LYSMD2: variants seen among roughly 807,000 people sequenced by gnomAD.
LYSMD2 encodes lysM and putative peptidoglycan-binding domain-containing protein 2.
Under a neutral mutation model 17.7 loss-of-function variants are expected in LYSMD2, and 6 were observed. The ratio of observed to expected loss-of-function variants is 0.34; its 90% CI spans 0.19 to 0.67. LYSMD2 has a LOEUF of 0.67. Ranked by LOEUF, LYSMD2 falls within the 30% of genes least tolerant of loss-of-function variation. The probability of loss-of-function intolerance (pLI) is 0.69; values close to 1 mark genes in which losing one functional copy is unlikely to be tolerated. For synonymous variants in LYSMD2, 102 were observed against 129.8 expected (o/e 0.79, Z 1.45); for missense variants, 237 against 286.7 (o/e 0.83, Z 1.25).
At chr15:51,732,266 T>C (rs1330497038) in intron 1 of LYSMD2, among the ~76,000 whole-genome samples, 1 of 152,170 alleles carries the variant, frequency 6.6e-6, no homozygotes, top group Non-Finnish European at 1.5e-5. Flanking sequence ...GCTAGCTACT[T>C]CATACCAGTC....
At chr15:51,741,980 A>G (rs1466379424), upstream of LYSMD2, among the ~76,000 whole-genome samples, 1 of 150,070 alleles carries the variant, frequency 6.7e-6, no homozygotes, top group Non-Finnish European at 1.5e-5. Context: ...TATATTCACA[A>G]TGTTATGCAA....
At chr15:51,747,116 C>A (rs1595855788) in intron 1 of LYSMD2, among the ~76,000 whole-genome samples, 1 of 151,236 alleles carries the variant, frequency 6.6e-6, no homozygotes, top group Non-Finnish European at 1.5e-5. Context: ...ATGAGAATTG[C>A]TTGAACCCGG....
At chr15:51,726,761 TTTG>T (rs1181338218) in intron 1 of LYSMD2, among the ~76,000 whole-genome samples, 1 of 152,214 alleles carries the variant, frequency 6.6e-6, no homozygotes, top group Non-Finnish European at 1.5e-5. Flanking sequence ...GAGTTTGTTT[TTTG>T]TTTAGGCCAA....
At chr15:51,751,150 C>G (rs2055698441) in intron 1 of LYSMD2, 1 of 657,048 alleles carries the variant, frequency 1.5e-6, no homozygotes, top group Admixed American at 2.1e-5. Flanking sequence ...CGCCATCACC[C>G]TAGAGCCTTG....
At chr15:51,747,170 A>C (rs2055672289) in intron 1 of LYSMD2, among the ~76,000 whole-genome samples, 1 of 151,922 alleles carries the variant, frequency 6.6e-6, no homozygotes, top group African/African-American at 2.4e-5. Context: ...ATTGCACTCC[A>C]GCCTGGGTAA....
intron 1 of LYSMD2, among the ~76,000 whole-genome samples, chr15:51,750,992 C>T (rs2055696945): frequency 6.6e-6 from 1 of 152,230 alleles, no homozygotes; most frequent in African/African-American, 2.4e-5. Flanking sequence ...GTGCCAGATC[C>T]TAAGTGCTAT....
At chr15:51,733,912 C>T (rs1242908632) in intron 1 of LYSMD2, among the ~76,000 whole-genome samples, 2 of 152,128 alleles carry the variant, frequency 1.3e-5, no homozygotes, top group African/African-American at 4.8e-5. Flanking sequence ...TGGCCAGATG[C>T]GGTGGCTCAC....
chr15:51,735,034 G>A (rs1463968268), intron 1 of LYSMD2, among the ~76,000 whole-genome samples: 1 of 152,040 alleles, frequency 6.6e-6, no homozygotes, highest in Non-Finnish European at 1.5e-5. Context: ...AATTAGCTGG[G>A]CATGTGGCTT....
chr15:51,731,975 C>T (rs1373337096), intron 1 of LYSMD2, among the ~76,000 whole-genome samples: 1 of 152,196 alleles, frequency 6.6e-6, no homozygotes, highest in Admixed American at 6.5e-5. Context: ...AACGGTTACT[C>T]AACCCACCCC....
intron 1 of LYSMD2, among the ~76,000 whole-genome samples, chr15:51,733,812 G>A (rs182209814): frequency 8.0e-4 from 122 of 152,236 alleles, no homozygotes; most frequent in Non-Finnish European, 1.5e-3. Flanking sequence ...ATTAGAGAAA[G>A]ACAGATGGAA....
At chr15:51,751,277 C>T (rs1267727367) in exon 1 of LYSMD2, 1 of 702,460 alleles carries the variant, frequency 1.4e-6, no homozygotes, top group Non-Finnish European at 2.6e-6. Flanking sequence ...GTACCTGAGA[C>T]CGCTCTCAAC....
intron 1 of LYSMD2, among the ~76,000 whole-genome samples, chr15:51,746,135 C>T (rs1285655596): frequency 6.6e-6 from 1 of 152,016 alleles, no homozygotes; most frequent in Non-Finnish European, 1.5e-5. Context: ...TATATCTGTA[C>T]AAAAATTTGT....
intron 1 of LYSMD2, among the ~76,000 whole-genome samples, chr15:51,727,646 C>A (rs762601177): frequency 3.3e-5 from 5 of 152,178 alleles, no homozygotes; most frequent in African/African-American, 7.2e-5. Context: ...GAGGACTAGA[C>A]AAGGTGACAG....
upstream of LYSMD2, among the ~76,000 whole-genome samples, chr15:51,741,139 A>T (rs1454586577): frequency 6.6e-6 from 1 of 152,240 alleles, no homozygotes; most frequent in East Asian, 1.9e-4. Context: ...TGAAGACTTA[A>T]AACTATGAGA....
At chr15:51,728,579 T>C (rs1361443619) in intron 1 of LYSMD2, among the ~76,000 whole-genome samples, 1 of 151,958 alleles carries the variant, frequency 6.6e-6, no homozygotes, top group South Asian at 2.1e-4. Flanking sequence ...CCATAAAATA[T>C]TGTTTCTCAG....
chr15:51,747,017 T>TAAA (rs1050919768), intron 1 of LYSMD2, among the ~76,000 whole-genome samples: 24 of 65,762 alleles, frequency 3.6e-4, no homozygotes, highest in South Asian at 1.2e-3. Context: ...CTGTCTCTAC[T>TAAA]AAAAAAAAAA....
rs2055514978 is a variant in LYSMD2, at chr15:51,723,348, C to G, written c.*259G>C. ...TCAATTAGTATTTATAAAAGCTAGT[C>G]TAAAAACTAACACCACCTACAAAAG... On this transcript the variant is annotated 3_prime_UTR_variant, in exon 3 of 3. Coordinates refer to ENST00000267838, the MANE Select transcript of LYSMD2 (RefSeq NM_153374.3). 1 of 345,374 alleles carries G rather than the reference C, an allele frequency of 2.9e-6. No homozygotes were observed. Among genetic ancestry groups the G allele is most frequent in the Admixed American group, 4.4e-5 (1 of 22,576 alleles). 21.4% of individuals were successfully genotyped at this position (345,374 alleles called of 1,614,324 possible).
At position 51,737,272 on chromosome 15, in the gene LYSMD2, A is replaced by T; in HGVS notation, c.273+78T>A. The T allele has an allele frequency of 5.8e-5, 4 of 69,402 alleles. No individual in the cohort carries two copies. Among genetic ancestry groups the T allele is most frequent in the Non-Finnish European group, 8.0e-5 (4 of 50,026 alleles). 4.3% of individuals were successfully genotyped at this position (69,402 alleles called of 1,614,324 possible). A position where few individuals can be genotyped will look rare whatever the true frequency, so the allele number is the denominator to read the frequency against. On this transcript the variant is annotated intron_variant, in intron 1 of 2. Transcript: ENST00000267838. This position sits in a 1 kb window ranked among gnomAD's most constrained non-coding sequence, Gnocchi z 4.2. ...AACCCCCACCCGCAGTCCCACCCCCACCCCCACCGCACCCCGAGCCGCACC... is the reference window on the plus strand; with the variant it reads ...AACCCCCACCCGCAGTCCCACCCCCTCCCCCACCGCACCCCGAGCCGCACC...
At position 51,748,831 on chromosome 15, in the gene LYSMD2, T is replaced by C. The variant is rs374385715; in HGVS notation, c.-1+2440A>G. 5.9e-5 allele frequency among the ~76,000 whole-genome samples: 9 copies of C among 152,334 alleles called. No individual in the cohort carries two copies. In the East Asian group the frequency reaches 9.6e-4, roughly 16 times the overall value. On this transcript the variant is annotated intron_variant, in intron 1 of 2. Coordinates refer to the LYSMD2 transcript ENST00000454181. ...CTTTCCTAATGTGTAAACACCCATA[T>C]AGGCTTCTATAAAGAAGAAGAGGGT...
Sources: allele counts gnomAD v4.1 joint callset (sites outside exome capture counted in the v4.1 genomes callset), GRCh38; gene constraint gnomAD v4.1.1; non-coding constraint Gnocchi (gnomAD v3.1); transcripts MANE v1.5; gene names NCBI Gene and HGNC (gene_info 2026-07-23, HGNC 2026-07-21).